The following DOCK1 variants were observed in gnomAD, a reference collection of about 807,000 sequenced individuals.
DOCK1 encodes the protein dedicator of cytokinesis 1.
DOCK1 carries 138 observed loss-of-function variants against 262.7 expected under a neutral mutation model. The ratio of observed to expected loss-of-function variants is 0.53; its 90% CI spans 0.46 to 0.61. The LOEUF is 0.61. DOCK1 is among the 20% of genes least tolerant of loss of function. The probability of loss-of-function intolerance (pLI) is 0.00; values close to 1 mark genes in which losing one functional copy is unlikely to be tolerated. For synonymous variants in DOCK1, 866 were observed against 867.4 expected (o/e 1.00, Z 0.03); for missense variants, 1,908 against 2,370.7 (o/e 0.80, Z 4.05).
intron 22 of DOCK1, among the ~76,000 whole-genome samples, chr10:127,054,365 T>G (rs2044985045): frequency 6.6e-6 from 1 of 152,184 alleles, no homozygotes; most frequent in Non-Finnish European, 1.5e-5. Context: ...ACCACAGTCC[T>G]CGTGCTGCCA....
intron 1 of DOCK1, among the ~76,000 whole-genome samples, chr10:126,909,524 A>C (rs932713369): frequency 6.6e-6 from 1 of 152,188 alleles, no homozygotes; most frequent in Admixed American, 6.5e-5. Flanking sequence ...TGCACCCTTG[A>C]GATCTGTTAC....
intron 1 of DOCK1, among the ~76,000 whole-genome samples, chr10:126,935,519 G>A (rs2034505215): frequency 1.3e-5 from 2 of 152,214 alleles, no homozygotes; most frequent in Admixed American, 1.3e-4. Flanking sequence ...GTCCAGCCAG[G>A]CTGAGCCACA....
chr10:127,194,974 AG>A (rs1374138991), intron 27 of DOCK1, among the ~76,000 whole-genome samples: 2 of 147,600 alleles, frequency 1.4e-5, no homozygotes, highest in East Asian at 4.0e-4. Flanking sequence ...ACAGCAGGAG[AG>A]GGGTCCGGGC....
At chr10:127,195,317 C>T (rs2057033210) in intron 27 of DOCK1, among the ~76,000 whole-genome samples, 1 of 152,178 alleles carries the variant, frequency 6.6e-6, no homozygotes, top group Admixed American at 6.5e-5. Context: ...AGGTCTGCAG[C>T]GTTGGTTGGT....
At chr10:126,994,394 A>T (rs565817700) in intron 6 of DOCK1, among the ~76,000 whole-genome samples, 12 of 152,062 alleles carry the variant, frequency 7.9e-5, no homozygotes, top group Non-Finnish European at 1.6e-4. Flanking sequence ...GTCATAGGAC[A>T]ATAGTGGAGG....
At chr10:127,070,877 C>T (rs16906520) in intron 23 of DOCK1, among the ~76,000 whole-genome samples, 6,212 of 151,988 alleles carry the variant, frequency 0.041, 416 homozygotes, top group African/African-American at 0.14. Context: ...GAAGTGGCCA[C>T]GCCTCGCCTT....
At chr10:127,017,035 CCACACACACA>C (rs147295824) in intron 12 of DOCK1, among the ~76,000 whole-genome samples, 2 of 108,540 alleles carry the variant, frequency 1.8e-5, no homozygotes, top group Admixed American at 9.3e-5. Context: ...GATACAGATA[CCACACACACA>C]CACACACACA....
chr10:127,014,233 A>G (rs1027698615), intron 12 of DOCK1, among the ~76,000 whole-genome samples: 7 of 152,260 alleles, frequency 4.6e-5, no homozygotes, highest in African/African-American at 1.7e-4. Context: ...TTTTATGTGG[A>G]CAGTGAATTC....
chr10:127,255,028 G>A (rs889268158), intron 28 of DOCK1, among the ~76,000 whole-genome samples: 24 of 152,202 alleles, frequency 1.6e-4, no homozygotes, highest in African/African-American at 4.8e-4. Context: ...GGTATGACAC[G>A]ATTTTGCCTC....
chr10:127,332,813 G>A (rs2063041315), intron 29 of DOCK1, among the ~76,000 whole-genome samples: 1 of 152,190 alleles, frequency 6.6e-6, no homozygotes, highest in Non-Finnish European at 1.5e-5. Context: ...GGATGAAGGA[G>A]CCACCCTGCC....
intron 23 of DOCK1, among the ~76,000 whole-genome samples, chr10:127,064,951 T>C (rs915330286): frequency 1.3e-5 from 2 of 152,218 alleles, no homozygotes; most frequent in African/African-American, 4.8e-5. Flanking sequence ...TCTAAGAATT[T>C]AATGGCTCTG....
rs2048346330 is a variant in DOCK1 at position 127,103,131 on chromosome 10, T to C, written c.2446-3100T>C. Among the ~76,000 whole-genome samples the C allele has an allele frequency of 2.0e-5, 3 of 152,218 alleles. No individual in the cohort carries two copies. In the South Asian group the frequency reaches 6.2e-4, roughly 32 times the overall value. ...CTGTGTTCTAGGTAACAGTGGTTGG[T>C]GCTTCTTGTTACTGCGTCGAGTTCC... On this transcript the variant is annotated intron_variant, in intron 23 of 51. Coordinates refer to ENST00000623213, the MANE Select transcript of DOCK1 (RefSeq NM_001290223.2).
chr10:127,353,151 C>T (rs1401750869), intron 31 of DOCK1, among the ~76,000 whole-genome samples: 1 of 152,148 alleles, frequency 6.6e-6, no homozygotes, highest in Non-Finnish European at 1.5e-5. Context: ...CATCGAGAAC[C>T]TCACCAACCT....
intron 38 of DOCK1, among the ~76,000 whole-genome samples, chr10:127,394,233 A>T (rs959856557): frequency 6.6e-6 from 1 of 152,052 alleles, no homozygotes. Flanking sequence ...AATGCGATAC[A>T]TAATTTGTAG....
At chr10:126,956,659 T>G (rs1450771473) in intron 1 of DOCK1, among the ~76,000 whole-genome samples, 1 of 152,194 alleles carries the variant, frequency 6.6e-6, no homozygotes, top group East Asian at 1.9e-4. Context: ...TGGATGGACC[T>G]TCATATGCAG....
intron 37 of DOCK1, among the ~76,000 whole-genome samples, chr10:127,381,635 C>T (rs2065829985): frequency 6.6e-6 from 1 of 152,178 alleles, no homozygotes; most frequent in African/African-American, 2.4e-5. Context: ...GAGCTGACAG[C>T]AAGTTAGAGA....
intron 23 of DOCK1, among the ~76,000 whole-genome samples, chr10:127,104,463 GTTTA>G (rs2048419575): frequency 6.6e-6 from 1 of 152,158 alleles, no homozygotes; most frequent in Non-Finnish European, 1.5e-5. Context: ...AGGGCATGAA[GTTTA>G]TTTATTTGCT....
intron 14 of DOCK1, 101 bp downstream of exon 14, chr10:127,023,425 T>C: frequency 6.9e-7 from 1 of 1,458,720 alleles, no homozygotes; most frequent in Non-Finnish European, 9.2e-7. Context: ...GGTGGGGCTT[T>C]GGAGTCCCGT....
At chr10:126,987,459 G>T in intron 4 of DOCK1, 62 bp from the exon 5 acceptor site, 2 of 1,373,298 alleles carry the variant, frequency 1.5e-6, no homozygotes, top group Non-Finnish European at 2.0e-6. Flanking sequence ...AATTTACCAG[G>T]TACTACTCAT....
Sources: gnomAD v4.1 joint callset for allele counts (sites outside exome capture counted in the v4.1 genomes callset) on GRCh38, gnomAD v4.1.1 for gene constraint, MANE v1.5 for transcripts, NCBI Gene and HGNC (gene_info 2026-07-23, HGNC 2026-07-21) for gene names.